Variants in GSE1 observed in about 807,000 individuals in gnomAD.
The protein encoded by GSE1 is Gse1 coiled-coil protein.
GSE1 carries 32 observed loss-of-function variants against 112.6 expected under a neutral mutation model. The observed-to-expected ratio is 0.28, with a 90% CI of 0.21 to 0.38. The LOEUF is 0.38. GSE1 is among the 10% of genes least tolerant of loss of function. GSE1 has a pLI of 1.00. For synonymous variants in GSE1, 1,115 were observed against 735.6 expected (o/e 1.52, Z -8.35); for missense variants, 2,348 against 1,699.2 (o/e 1.38, Z -6.71).
intron 2 of GSE1, among the ~76,000 whole-genome samples, chr16:85,423,399 C>T (rs969894087): frequency 6.6e-6 from 1 of 152,186 alleles, no homozygotes; most frequent in Non-Finnish European, 1.5e-5. Flanking sequence ...ACCTGAGATC[C>T]CTGGAGGGCT....
At chr16:85,388,307 GAT>G (rs2047742445) in intron 2 of GSE1, among the ~76,000 whole-genome samples, 1 of 97,270 alleles carries the variant, frequency 1.0e-5, no homozygotes, top group African/African-American at 4.2e-5. Flanking sequence ...TGGATGGATG[GAT>G]GGATGGATGG....
chr16:85,521,050 G>A (rs992825606), intron 2 of GSE1, among the ~76,000 whole-genome samples: 3 of 152,168 alleles, frequency 2.0e-5, no homozygotes, highest in African/African-American at 4.8e-5. Context: ...GAGCCGGTTT[G>A]TCTGGGTTCT....
At chr16:85,495,340 C>T (rs1377803435) in intron 2 of GSE1, among the ~76,000 whole-genome samples, 3 of 152,006 alleles carry the variant, frequency 2.0e-5, no homozygotes, top group African/African-American at 7.3e-5. Context: ...GTAGCGGCAG[C>T]GTGAGCCCTG....
intron 2 of GSE1, among the ~76,000 whole-genome samples, chr16:85,416,920 A>G (rs2048715879): frequency 6.6e-6 from 1 of 152,326 alleles, no homozygotes. Flanking sequence ...CAGTGGCACG[A>G]TCATGGTCGC....
chr16:85,420,056 T>C (rs2048796762), intron 2 of GSE1, among the ~76,000 whole-genome samples: 1 of 152,024 alleles, frequency 6.6e-6, no homozygotes. Flanking sequence ...CTAAAGTGTC[T>C]AGAGGGGTCT....
At chr16:85,607,641 G>C (rs2047768512), upstream of GSE1, among the ~76,000 whole-genome samples, 1 of 152,182 alleles carries the variant, frequency 6.6e-6, no homozygotes, top group African/African-American at 2.4e-5. Context: ...AGGGCCACCT[G>C]AGCTGCTGGG....
chr16:85,185,958 G>C lies in GSE1; in HGVS notation c.2283+14151G>C, dbSNP rs544283875. Among the ~76,000 whole-genome samples, 26 of 152,352 alleles carry C rather than the reference G, an allele frequency of 1.7e-4. No homozygotes were observed. The South Asian group carries it at 3.7e-3, about 22-fold the overall frequency. ...GCGCGGAGGCCTGAGCAGGGTGATGGGTGGGTTCGGTCAGCAGTTTCACGG... is the reference window on the plus strand; with the variant it reads ...GCGCGGAGGCCTGAGCAGGGTGATGCGTGGGTTCGGTCAGCAGTTTCACGG... On this transcript the variant is annotated intron_variant, in intron 1 of 2. Transcript: ENST00000637419.
In GSE1 at chr16:85,638,738, C is replaced by G. The variant is rs190575076; in HGVS notation, c.226+4606C>G. On this transcript the variant is annotated intron_variant, in intron 2 of 15. Coordinates refer to ENST00000253458, the MANE Select transcript of GSE1 (RefSeq NM_014615.5). Reference sequence around the variant, plus strand: ...CCACCCCCACCTCCTACGTGCCTCCCCTACCCCTCCACCCACTGCCACCCC... The same window carrying G: ...CCACCCCCACCTCCTACGTGCCTCCGCTACCCCTCCACCCACTGCCACCCC... Among the ~76,000 whole-genome samples the G allele has an allele frequency of 4.0e-3, 598 of 151,312 alleles. 5 individuals carry two copies. Among genetic ancestry groups the G allele is most frequent in the African/African-American group, 0.014 (564 of 41,136 alleles).
intron 2 of GSE1, among the ~76,000 whole-genome samples, chr16:85,636,232 C>T (rs771451643): frequency 5.9e-4 from 90 of 152,324 alleles, no homozygotes; most frequent in African/African-American, 7.0e-4. Flanking sequence ...GTCGGGAGAG[C>T]GGGCGAGCAG....
At chr16:85,613,274 C>G, upstream of GSE1, 2 of 1,536,348 alleles carry the variant, frequency 1.3e-6, no homozygotes, top group East Asian at 2.6e-5. Flanking sequence ...CTCCACCTCC[C>G]CAGCGGGCCC....
At chr16:85,295,877 CT>C (rs1214289546) in intron 1 of GSE1, among the ~76,000 whole-genome samples, 8 of 151,440 alleles carry the variant, frequency 5.3e-5, no homozygotes, top group African/African-American at 1.9e-4. Flanking sequence ...AGTGCTGGGA[CT>C]ACAGGTGTGA....
intron 2 of GSE1, among the ~76,000 whole-genome samples, chr16:85,397,133 CTG>C (rs1346690759): frequency 6.6e-6 from 1 of 152,236 alleles, no homozygotes; most frequent in Non-Finnish European, 1.5e-5. Flanking sequence ...CCCATCTCCT[CTG>C]TGAAGTCCTG....
chr16:85,243,125 A>G (rs1187744196), intron 1 of GSE1, among the ~76,000 whole-genome samples: 1 of 152,222 alleles, frequency 6.6e-6, no homozygotes, highest in African/African-American at 2.4e-5. Context: ...CAGGTGAGTA[A>G]CATGCAGCCC....
chr16:85,305,704 G>A (rs931918143), intron 1 of GSE1, among the ~76,000 whole-genome samples: 5 of 151,938 alleles, frequency 3.3e-5, no homozygotes, highest in Non-Finnish European at 5.9e-5. Flanking sequence ...TTGAACTCCC[G>A]ACCTCAGGTG....
upstream of GSE1, among the ~76,000 whole-genome samples, chr16:85,610,076 A>C (rs148662045): frequency 3.2e-4 from 49 of 152,278 alleles, no homozygotes; most frequent in Admixed American, 5.2e-4. Context: ...GAGGCAGGTG[A>C]GGGGCTGGGA....
At chr16:85,612,207 G>C (rs2048033544), upstream of GSE1, among the ~76,000 whole-genome samples, 1 of 151,082 alleles carries the variant, frequency 6.6e-6, no homozygotes, top group African/African-American at 2.4e-5. Context: ...CTTTAACCCC[G>C]AGCTTCCTGG....
intron 1 of GSE1, among the ~76,000 whole-genome samples, chr16:85,176,386 C>T (rs2074465228): frequency 6.6e-6 from 1 of 152,244 alleles, no homozygotes; most frequent in Non-Finnish European, 1.5e-5. Flanking sequence ...TTGCATGGGG[C>T]AGAGGCCCTG....
intron 1 of GSE1, among the ~76,000 whole-genome samples, chr16:85,299,895 C>T (rs555261223): frequency 6.0e-5 from 9 of 149,068 alleles, no homozygotes; most frequent in Admixed American, 5.3e-4. Context: ...CTGATCCCAC[C>T]ACTGCACTCC....
chr16:85,418,669 G>C (rs541909236), intron 2 of GSE1, among the ~76,000 whole-genome samples: 1 of 152,146 alleles, frequency 6.6e-6, no homozygotes, highest in South Asian at 2.1e-4. Flanking sequence ...GTGCCAAAAG[G>C]AGAGAGAGTC....
Sources: gnomAD v4.1 joint callset for allele counts (sites outside exome capture counted in the v4.1 genomes callset) on GRCh38, gnomAD v4.1.1 for gene constraint, MANE v1.5 for transcripts, NCBI Gene and HGNC (gene_info 2026-07-23, HGNC 2026-07-21) for gene names.